The following MARCO variants were observed in gnomAD, a reference collection of about 807,000 sequenced individuals.
The protein encoded by MARCO is macrophage receptor with collagenous structure, also known as macrophage receptor MARCO.
A neutral mutation model predicts 70.0 loss-of-function variants in MARCO; 72 were observed. The observed-to-expected ratio is 1.03, with a 90% CI of 0.85 to 1.25. The LOEUF (loss-of-function observed/expected upper bound fraction) is 1.25, where lower values mean the gene tolerates loss of function less well. Ranked by LOEUF, MARCO falls within the 50% of genes most tolerant of loss-of-function variation. The pLI is 0.00. For missense variants in MARCO, 696 were observed against 659.3 expected, an observed-to-expected ratio of 1.06 and a Z score of -0.61; for synonymous variants, 273 against 243.1, an observed-to-expected ratio of 1.12 and a Z score of -1.14.
At chr2:118,960,277 C>A (rs1679917715) in intron 1 of MARCO, among the ~76,000 whole-genome samples, 1 of 152,040 alleles carries the variant, frequency 6.6e-6, no homozygotes, top group Non-Finnish European at 1.5e-5. Context: ...ACTGCTCTGG[C>A]TAGAACTTCC....
In MARCO at chr2:118,981,392, AC is replaced by A. The variant is rs748625097; in HGVS notation, c.767-16del. The stretch of plus-strand genomic sequence containing the variant: ...GGAGTTCCTCCCACAACTAACCAAG[AC>A]TTTTTGGTTTTTCAGGAAGCAAAGG... On this transcript the variant is annotated splice_polypyrimidine_tract_variant and intron_variant, in intron 8 of 16. Transcript: ENST00000327097. 4 of 1,567,300 alleles carry A rather than the reference AC, an allele frequency of 2.6e-6. No individual in the cohort carries two copies. Among genetic ancestry groups the A allele is most frequent in the African/African-American group, 1.4e-5 (1 of 72,996 alleles).
intron 13 of MARCO, 117 bp downstream of exon 13, chr2:118,990,750 G>C: frequency 3.0e-6 from 3 of 990,822 alleles, no homozygotes; most frequent in Non-Finnish European, 4.7e-6. Flanking sequence ...CAAAGTGGAG[G>C]TTAAGACTCC....
At chr2:118,961,935 ATGGCT>A (rs1679955698) in intron 1 of MARCO, among the ~76,000 whole-genome samples, 1 of 152,204 alleles carries the variant, frequency 6.6e-6, no homozygotes, top group African/African-American at 2.4e-5. Flanking sequence ...TTTTCTGCAT[ATGGCT>A]AGCCAGTTTT....
intron 13 of MARCO, among the ~76,000 whole-genome samples, chr2:118,991,437 T>C (rs1680620025): frequency 6.6e-6 from 1 of 152,150 alleles, no homozygotes; most frequent in African/African-American, 2.4e-5. Flanking sequence ...TCTGTTACTA[T>C]TTCAATTCAC....
intron 14 of MARCO, among the ~76,000 whole-genome samples, 166 bp from the exon 15 acceptor site, chr2:118,992,266 T>A (rs185088569): frequency 2.6e-5 from 4 of 152,134 alleles, no homozygotes; most frequent in Non-Finnish European, 5.9e-5. Flanking sequence ...TGCTCAGTCA[T>A]TGACACCCGC....
intron 16 of MARCO, 55 bp from the exon 17 acceptor site, chr2:118,994,332 G>A: frequency 6.2e-7 from 1 of 1,609,428 alleles, no homozygotes. Context: ...TGGCTTCTTT[G>A]CTTTGACTCT....
intron 1 of MARCO, among the ~76,000 whole-genome samples, chr2:118,957,348 C>A (rs183695043): frequency 1.3e-5 from 2 of 152,114 alleles, no homozygotes; most frequent in East Asian, 3.9e-4. Context: ...TTCAAGGCTA[C>A]TATGAATAAT....
chr2:118,954,281 C>A (rs1679785632), intron 1 of MARCO, among the ~76,000 whole-genome samples: 1 of 152,068 alleles, frequency 6.6e-6, no homozygotes, highest in Non-Finnish European at 1.5e-5. Flanking sequence ...CTGGGTGAGG[C>A]CTGTGACTGC....
At position 118,970,150 on chromosome 2, in the gene MARCO, T is replaced by G; in HGVS notation, c.236T>G (p.Met79Arg). 1 of 1,614,070 alleles carries G rather than the reference T, an allele frequency of 6.2e-7. No individual in the cohort carries two copies. The highest frequency in any genetic ancestry group is 8.5e-7 in the Non-Finnish European group (1 of 1,180,004). The change falls in exon 3 of 17, where the codon ATG (methionine) becomes AGG (arginine). Residue 79 changes from methionine (M) to arginine (R), a missense_variant. Transcript: ENST00000327097. ...CAGGCGCGGCTCCGGGTCCTGGAGA[T>G]GTATTTCCTCAATGACACTCTGGCG... ...NLQARLRVLEMYFLNDTLAAE... is the reference protein window; with the variant it reads ...NLQARLRVLERYFLNDTLAAE...
chr2:118,960,253 C>G (rs1403025284), intron 1 of MARCO, among the ~76,000 whole-genome samples: 3 of 151,836 alleles, frequency 2.0e-5, no homozygotes, highest in Non-Finnish European at 4.4e-5. Flanking sequence ...CCTTTTATTT[C>G]TTTTTCTTGC....
At chr2:118,978,243 G>C (rs1680324393) in intron 8 of MARCO, among the ~76,000 whole-genome samples, 1 of 152,198 alleles carries the variant, frequency 6.6e-6, no homozygotes, top group Admixed American at 6.5e-5. Flanking sequence ...AAGCAGGGCA[G>C]ACTGACTGGT....
intron 2 of MARCO, among the ~76,000 whole-genome samples, chr2:118,969,498 G>A (rs568178626): frequency 3.3e-5 from 5 of 152,200 alleles, no homozygotes; most frequent in Non-Finnish European, 7.3e-5. Flanking sequence ...GCTCTTGTGA[G>A]CCTATGTGTC....
At chr2:118,952,417 G>A (rs532570047) in intron 1 of MARCO, among the ~76,000 whole-genome samples, 1 of 152,252 alleles carries the variant, frequency 6.6e-6, no homozygotes, top group African/African-American at 2.4e-5. Context: ...GGCAGGATCC[G>A]CCCTAAGCCA....
chr2:118,980,593 C>A (rs1413780014), intron 8 of MARCO, among the ~76,000 whole-genome samples: 1 of 152,158 alleles, frequency 6.6e-6, no homozygotes, highest in Non-Finnish European at 1.5e-5. Context: ...CCCAATAAGC[C>A]TTTTTGAAAG....
At chr2:118,947,636 A>G (rs1679628303) in intron 1 of MARCO, among the ~76,000 whole-genome samples, 1 of 152,192 alleles carries the variant, frequency 6.6e-6, no homozygotes, top group Non-Finnish European at 1.5e-5. Flanking sequence ...GTCAAAAACA[A>G]CTTGGGTAAA....
At chr2:118,982,298 A>G in intron 11 of MARCO, 44 bp downstream of exon 11, 1 of 1,612,734 alleles carries the variant, frequency 6.2e-7, no homozygotes, top group Non-Finnish European at 8.5e-7. Flanking sequence ...GTGATGTGTG[A>G]AAACCTGCCT....
At chr2:118,950,000 G>A (rs886241254) in intron 1 of MARCO, 9 of 152,164 alleles carry the variant, frequency 5.9e-5, no homozygotes, top group Non-Finnish European at 1.3e-4. Context: ...TGTTTTAAAC[G>A]TGGGTACATC....
rs111621358 is a variant in MARCO at position 118,975,602 on chromosome 2, G to A, written c.613+1037G>A. On this transcript the variant is annotated intron_variant, in intron 6 of 16. Coordinates refer to ENST00000327097, the MANE Select transcript of MARCO (RefSeq NM_006770.4). ...GCAGACCAGAAGAAGGAAGGTTTATGGTGCAGTCAGAGGTGTGCACATGCA... is the reference window on the plus strand; with the variant it reads ...GCAGACCAGAAGAAGGAAGGTTTATAGTGCAGTCAGAGGTGTGCACATGCA... Among the ~76,000 whole-genome samples, 229 of 152,230 alleles carry A rather than the reference G, an allele frequency of 1.5e-3. 3 individuals carry two copies. Among genetic ancestry groups the A allele is most frequent in the African/African-American group, 4.8e-3 (201 of 41,532 alleles).
At chr2:118,986,714 AAAGAAAGAAAAG>A (rs1236822916) in intron 12 of MARCO, among the ~76,000 whole-genome samples, 3 of 116,722 alleles carry the variant, frequency 2.6e-5, no homozygotes, top group African/African-American at 8.4e-5. Flanking sequence ...AGAAAGAAAG[AAAGAAAGAAAAG>A]AAAGAAAGAA....
Sources: allele counts gnomAD v4.1 joint callset (sites outside exome capture counted in the v4.1 genomes callset), GRCh38; gene constraint gnomAD v4.1.1; transcripts MANE v1.5; gene names NCBI Gene and HGNC (gene_info 2026-07-23, HGNC 2026-07-21).